Variants in NFX1 observed in about 807,000 individuals in gnomAD.
NFX1 encodes the protein nuclear transcription factor, X-box binding 1, also known as transcriptional repressor NF-X1.
A neutral mutation model predicts 137.2 loss-of-function variants in NFX1; 69 were observed. The observed-to-expected ratio is 0.50, with a 90% CI of 0.41 to 0.61. The LOEUF (loss-of-function observed/expected upper bound fraction) is 0.61, where lower values mean the gene tolerates loss of function less well. NFX1 is among the 20% of genes least tolerant of loss of function. The pLI, the probability that NFX1 is intolerant of heterozygous loss-of-function variation, is 0.00. For missense variants in NFX1, 1,167 were observed against 1,391.0 expected, an observed-to-expected ratio of 0.84 and a Z score of 2.56; for synonymous variants, 495 against 474.1, an observed-to-expected ratio of 1.04 and a Z score of -0.57.
intron 11 of NFX1, 95 bp downstream of exon 11, chr9:33,332,597 C>A: frequency 3.7e-6 from 3 of 817,624 alleles, no homozygotes; most frequent in Admixed American, 2.6e-5. Flanking sequence ...TGTCAAAATT[C>A]AGTGAAGGCA....
intron 1 of NFX1, among the ~76,000 whole-genome samples, chr9:33,293,496 C>T (rs985516466): frequency 6.6e-6 from 1 of 152,218 alleles, no homozygotes; most frequent in African/African-American, 2.4e-5. Context: ...TTGTTACTAT[C>T]TTCATTACAT....
At position 33,318,946 on chromosome 9, in the gene NFX1, G is replaced by A. The variant is rs1822279827; in HGVS notation, c.1725G>A (p.Val575=). 1 of 1,614,240 alleles carries A rather than the reference G, an allele frequency of 6.2e-7. No individual in the cohort carries two copies. Among genetic ancestry groups the A allele is most frequent in the Middle Eastern group, 1.6e-4 (1 of 6,062 alleles). ...GCGGTAACCATACATGTTCGCAAGTGTGCCACCCTCAGCCCTGCCAGCAAT... is the reference window on the plus strand; with the variant it reads ...GCGGTAACCATACATGTTCGCAAGTATGCCACCCTCAGCCCTGCCAGCAAT... ...LKCGNHTCSQ[V]CHPQPCQQCP... The change falls in exon 9 of 24, where the codon GTG becomes GTA. Residue 575 remains valine, a synonymous_variant. Coordinates refer to ENST00000379540, the MANE Select transcript of NFX1 (RefSeq NM_002504.6).
intron 2 of NFX1, among the ~76,000 whole-genome samples, chr9:33,297,038 T>G (rs1331465006): frequency 4.6e-5 from 7 of 152,192 alleles, no homozygotes; most frequent in African/African-American, 1.4e-4. Context: ...ACTGAAAGCT[T>G]CTTTCCTTTC....
intron 4 of NFX1, 98 bp downstream of exon 4, chr9:33,303,366 T>C (rs113797063): frequency 2.0e-6 from 2 of 991,190 alleles, no homozygotes; most frequent in Admixed American, 3.6e-5. Flanking sequence ...AAGTTACTAA[T>C]GAGACTTCAA....
intron 10 of NFX1, among the ~76,000 whole-genome samples, chr9:33,329,167 CA>C (rs1034445537): frequency 6.6e-6 from 1 of 152,118 alleles, no homozygotes; most frequent in African/African-American, 2.4e-5. Context: ...AAAAAAATAC[CA>C]AAGGTGGAAC....
intron 10 of NFX1, among the ~76,000 whole-genome samples, chr9:33,331,960 T>C (rs941339639): frequency 1.3e-5 from 2 of 152,206 alleles, no homozygotes; most frequent in African/African-American, 4.8e-5. Flanking sequence ...AACCAAACTT[T>C]AGAGGCCAAA....
At chr9:33,340,463 C>G (rs1823179322) in intron 12 of NFX1, among the ~76,000 whole-genome samples, 1 of 152,228 alleles carries the variant, frequency 6.6e-6, no homozygotes, top group African/African-American at 2.4e-5. Context: ...CCTCCTGAGC[C>G]TCCAGGCCTG....
intron 9 of NFX1, among the ~76,000 whole-genome samples, chr9:33,322,836 G>A (rs1290265587): frequency 1.3e-5 from 2 of 152,146 alleles, no homozygotes; most frequent in African/African-American, 2.4e-5. Context: ...TTTAGAAAAT[G>A]ATAACATACC....
chr9:33,367,328 C>T (rs1014433735), intron 22 of NFX1, among the ~76,000 whole-genome samples, 187 bp from the exon 23 acceptor site: 55 of 152,132 alleles, frequency 3.6e-4, no homozygotes, highest in African/African-American at 1.3e-3. Flanking sequence ...AAGCCACGGG[C>T]CTGGCATAGG....
At chr9:33,297,336 GT>G (rs1229304902) in intron 2 of NFX1, among the ~76,000 whole-genome samples, 2 of 152,162 alleles carry the variant, frequency 1.3e-5, no homozygotes, top group East Asian at 3.8e-4. Flanking sequence ...TATAGTTCTA[GT>G]TTCTTGCTTT....
chr9:33,320,690 A>G (rs1352863493), intron 9 of NFX1, among the ~76,000 whole-genome samples: 3 of 152,206 alleles, frequency 2.0e-5, no homozygotes. Context: ...TGACTTGGCA[A>G]CTTCTCTCCT....
intron 9 of NFX1, among the ~76,000 whole-genome samples, chr9:33,324,928 CAAAA>C (rs1269732305): frequency 1.4e-5 from 1 of 70,826 alleles, no homozygotes; most frequent in Admixed American, 1.7e-4. Flanking sequence ...GATTCCATCT[CAAAA>C]AAAAAAAAAA....
chr9:33,337,787 A>T (rs1823062113), intron 11 of NFX1, among the ~76,000 whole-genome samples: 2 of 151,852 alleles, frequency 1.3e-5, no homozygotes, highest in African/African-American at 4.8e-5. Context: ...GGTGGTTCAC[A>T]CCTGTAATCC....
Position 33,338,557 on chromosome 9 carries a change from G to A in NFX1, c.2083G>A (p.Gly695Arg). 6.2e-7 allele frequency: 1 copy of A among 1,601,354 alleles called. No homozygotes were observed. The highest frequency in any genetic ancestry group is 8.5e-7 in the Non-Finnish European group (1 of 1,176,438). Residue 695 changes from glycine (G) to arginine (R), a missense_variant, in exon 12 of 24, where the codon GGA (glycine) becomes AGA (arginine). Transcript: ENST00000379540. ...GCGGTGTAACAAGAAACGGTTGTGT[G>A]GACGGCATAAATGTAATGAGATATG... ...DKRCNKKRLC[G>R]RHKCNEICCV...
chr9:33,295,606 G>A (rs1821326620), intron 2 of NFX1, among the ~76,000 whole-genome samples, 179 bp downstream of exon 2: 2 of 152,174 alleles, frequency 1.3e-5, no homozygotes, highest in African/African-American at 4.8e-5. Flanking sequence ...GCCCCAATAG[G>A]TAACCACTTA....
At chr9:33,322,436 A>G (rs1587840147) in intron 9 of NFX1, among the ~76,000 whole-genome samples, 1 of 152,088 alleles carries the variant, frequency 6.6e-6, no homozygotes. Flanking sequence ...CAGGTTTACC[A>G]TATCTCACTG....
At chr9:33,313,066 C>G (rs1451428887) in intron 6 of NFX1, among the ~76,000 whole-genome samples, 1 of 152,110 alleles carries the variant, frequency 6.6e-6, no homozygotes, top group Non-Finnish European at 1.5e-5. Flanking sequence ...TACATGATAG[C>G]TGTCCTCCCG....
At chr9:33,323,721 A>G (rs1442591703) in intron 9 of NFX1, among the ~76,000 whole-genome samples, 1 of 151,730 alleles carries the variant, frequency 6.6e-6, no homozygotes, top group African/African-American at 2.4e-5. Context: ...CCACTGCACT[A>G]CAGCCTGGGC....
chr9:33,331,808 G>C (rs1822817910), intron 10 of NFX1, among the ~76,000 whole-genome samples: 1 of 151,334 alleles, frequency 6.6e-6, no homozygotes, highest in Non-Finnish European at 1.5e-5. Flanking sequence ...ATCAGATGTA[G>C]AAGCCGGGCA....
Sources: allele counts gnomAD v4.1 joint callset (sites outside exome capture counted in the v4.1 genomes callset), GRCh38; gene constraint gnomAD v4.1.1; transcripts MANE v1.5; gene names NCBI Gene and HGNC (gene_info 2026-07-23, HGNC 2026-07-21).